The following DISC1 variants were observed in gnomAD, a reference collection of about 807,000 sequenced individuals.
DISC1 encodes DISC1 scaffold protein.
In DISC1, 57 loss-of-function variants were observed where a neutral mutation model predicts 84.5. That is an observed-to-expected ratio of 0.67 (90% CI 0.55 to 0.84). DISC1 has a LOEUF of 0.84. Ranked by LOEUF, DISC1 falls within the 40% of genes least tolerant of loss-of-function variation. The pLI is 0.00. For synonymous variants in DISC1, 411 were observed against 415.2 expected (o/e 0.99, Z 0.12); for missense variants, 1,000 against 1,057.8 (o/e 0.95, Z 0.76).
At chr1:231,748,232 T>C (rs1175809659) in intron 3 of DISC1, among the ~76,000 whole-genome samples, 1 of 152,220 alleles carries the variant, frequency 6.6e-6, no homozygotes, top group Non-Finnish European at 1.5e-5. Context: ...TTTATTTCTC[T>C]CTCTTATCTA....
At chr1:231,641,167 G>A (rs1437001659) in intron 1 of DISC1, among the ~76,000 whole-genome samples, 1 of 152,196 alleles carries the variant, frequency 6.6e-6, no homozygotes, top group African/African-American at 2.4e-5. Flanking sequence ...GCTATCTTGG[G>A]CTCTGAGTGT....
chr1:231,896,740 C>G (rs1264050385), intron 9 of DISC1, among the ~76,000 whole-genome samples: 1 of 152,164 alleles, frequency 6.6e-6, no homozygotes, highest in Admixed American at 6.5e-5. Context: ...TAGAATGTGG[C>G]AGATTGAGGA....
At chr1:231,778,870 C>T (rs190050825) in intron 6 of DISC1, among the ~76,000 whole-genome samples, 1 of 152,218 alleles carries the variant, frequency 6.6e-6, no homozygotes, top group East Asian at 1.9e-4. Flanking sequence ...CCAAGGAGAC[C>T]CCAGAGACTC....
intron 1 of DISC1, among the ~76,000 whole-genome samples, chr1:231,654,815 A>G (rs1219944006): frequency 6.6e-6 from 1 of 152,164 alleles, no homozygotes; most frequent in Non-Finnish European, 1.5e-5. Context: ...TATTATTACC[A>G]AGCTTGAATT....
intron 9 of DISC1, among the ~76,000 whole-genome samples, chr1:231,837,267 C>G (rs1044097718): frequency 2.6e-4 from 40 of 152,166 alleles, no homozygotes; most frequent in African/African-American, 9.7e-4. Flanking sequence ...TCTTGCCAGG[C>G]TCCATTAGGT....
intron 8 of DISC1, among the ~76,000 whole-genome samples, chr1:231,810,000 CT>C (rs1219408831): frequency 4.6e-5 from 7 of 152,104 alleles, no homozygotes; most frequent in East Asian, 1.9e-4. Context: ...AAAATAACCC[CT>C]AATGATATAA....
chr1:231,773,909 C>T (rs538138645), intron 6 of DISC1, among the ~76,000 whole-genome samples: 1 of 151,978 alleles, frequency 6.6e-6, no homozygotes, highest in Non-Finnish European at 1.5e-5. Context: ...ATAGGAAAAC[C>T]TGGGTATCTC....
chr1:231,753,276 A>T (rs1193414899), intron 4 of DISC1, among the ~76,000 whole-genome samples: 6 of 152,170 alleles, frequency 3.9e-5, no homozygotes, highest in Non-Finnish European at 7.3e-5. Flanking sequence ...AAACTTTTCC[A>T]TACATCCTCT....
intron 11 of DISC1, among the ~76,000 whole-genome samples, chr1:232,018,419 A>C (rs1668674264): frequency 6.6e-6 from 1 of 152,222 alleles, no homozygotes; most frequent in Admixed American, 6.5e-5. Context: ...CTGTTCTTCT[A>C]CTGGGGCATG....
chr1:231,749,873 A>G, intron 3 of DISC1, 53 bp from the exon 4 acceptor site: 2 of 1,612,798 alleles, frequency 1.2e-6, no homozygotes, highest in South Asian at 1.1e-5. Context: ...GGGGTTATCT[A>G]TTTTGCATTT....
intron 9 of DISC1, among the ~76,000 whole-genome samples, chr1:231,948,464 G>T (rs1471472562): frequency 6.6e-6 from 1 of 152,104 alleles, no homozygotes; most frequent in Non-Finnish European, 1.5e-5. Context: ...GGGTGGTGGG[G>T]GGCTCGGGAA....
intron 9 of DISC1, among the ~76,000 whole-genome samples, chr1:231,919,312 T>A (rs1468072780): frequency 6.6e-6 from 1 of 152,206 alleles, no homozygotes; most frequent in Non-Finnish European, 1.5e-5. Context: ...CACCATTCAT[T>A]TGTGTTATCA....
intron 6 of DISC1, among the ~76,000 whole-genome samples, chr1:231,773,719 G>C (rs935099038): frequency 6.6e-6 from 1 of 152,144 alleles, no homozygotes; most frequent in African/African-American, 2.4e-5. Flanking sequence ...TTCAAAAGTT[G>C]TGGCTCTCTG....
At chr1:231,850,017 C>G (rs1303610230) in intron 9 of DISC1, among the ~76,000 whole-genome samples, 6 of 152,208 alleles carry the variant, frequency 3.9e-5, no homozygotes, top group African/African-American at 1.4e-4. Context: ...TCCAAAGTGT[C>G]ACTAAATCTC....
At chr1:231,865,493 C>T (rs960606745) in intron 9 of DISC1, among the ~76,000 whole-genome samples, 3 of 152,202 alleles carry the variant, frequency 2.0e-5, no homozygotes, top group Admixed American at 6.5e-5. Context: ...ATAACATAAT[C>T]TTTAGCCTAA....
At chr1:231,763,829 A>C (rs1400722171) in intron 4 of DISC1, among the ~76,000 whole-genome samples, 1 of 152,204 alleles carries the variant, frequency 6.6e-6, no homozygotes, top group African/African-American at 2.4e-5. Flanking sequence ...ACTGTTTAGC[A>C]TTGTGTCCCC....
intron 10 of DISC1, among the ~76,000 whole-genome samples, chr1:231,997,716 CTA>C (rs1460393876): frequency 6.6e-6 from 1 of 152,044 alleles, no homozygotes; most frequent in Admixed American, 6.6e-5. Flanking sequence ...TTGAGGGAGA[CTA>C]TATTTCTGGG....
At chr1:231,817,702 T>C (rs571533387) in intron 8 of DISC1, among the ~76,000 whole-genome samples, 19 of 152,356 alleles carry the variant, frequency 1.2e-4, no homozygotes, top group Admixed American at 2.6e-4. Context: ...TATTTAGACA[T>C]AAGATTGATG....
At chr1:231,926,890 A>G (rs2090386949) in intron 9 of DISC1, among the ~76,000 whole-genome samples, 1 of 152,128 alleles carries the variant, frequency 6.6e-6, no homozygotes, top group African/African-American at 2.4e-5. Flanking sequence ...GAGGAATGAG[A>G]TTTTCCCAAG....
Sources: allele counts gnomAD v4.1 joint callset (sites outside exome capture counted in the v4.1 genomes callset), GRCh38; gene constraint gnomAD v4.1.1; transcripts MANE v1.5; gene names NCBI Gene and HGNC (gene_info 2026-07-23, HGNC 2026-07-21).